The following ADAMTSL2 variants were observed in gnomAD, a reference collection of about 807,000 sequenced individuals.
The protein encoded by ADAMTSL2 is ADAMTS-like protein 2.
Under a neutral mutation model 117.0 loss-of-function variants are expected in ADAMTSL2, and 55 were observed. The ratio of observed to expected loss-of-function variants is 0.47; its 90% CI spans 0.38 to 0.59. ADAMTSL2 has a LOEUF of 0.59. Among genes scored for constraint, ADAMTSL2 ranks in the 20% least tolerant of loss-of-function variants. The pLI, the probability that ADAMTSL2 is intolerant of heterozygous loss-of-function variation, is 0.00. For synonymous variants in ADAMTSL2, 572 were observed against 566.4 expected (o/e 1.01, Z -0.14); for missense variants, 1,182 against 1,354.5 (o/e 0.87, Z 2.00).
intron 7 of ADAMTSL2, among the ~76,000 whole-genome samples, chr9:133,541,341 T>C (rs902302229): frequency 6.7e-6 from 1 of 150,184 alleles, no homozygotes; most frequent in African/African-American, 2.5e-5. Context: ...CAGGCTGGAG[T>C]GCAGTGGCTT....
intron 5 of ADAMTSL2, 65 bp downstream of exon 5, chr9:133,539,938 G>C: frequency 6.8e-7 from 1 of 1,475,830 alleles, no homozygotes; most frequent in South Asian, 1.2e-5. Context: ...AGCCCTTCCG[G>C]CACCTGGGAC....
chr9:133,540,430 A>G (rs1588279276), intron 5 of ADAMTSL2, among the ~76,000 whole-genome samples, 168 bp from the exon 6 acceptor site: 1 of 152,028 alleles, frequency 6.6e-6, no homozygotes, highest in South Asian at 2.1e-4. Flanking sequence ...GAGCCAGAAG[A>G]CCCATCAGTT....
At chr9:133,563,222 C>A (rs1297756628) in intron 12 of ADAMTSL2, among the ~76,000 whole-genome samples, 1 of 152,262 alleles carries the variant, frequency 6.6e-6, no homozygotes, top group African/African-American at 2.4e-5. Context: ...GTGGCTGCCA[C>A]CACCTGATGC....
At chr9:133,566,543 G>T (rs1054415096) in intron 12 of ADAMTSL2, among the ~76,000 whole-genome samples, 1 of 152,306 alleles carries the variant, frequency 6.6e-6, no homozygotes, top group East Asian at 1.9e-4. Flanking sequence ...GGCTGACGGG[G>T]CTGGAGCCGT....
chr9:133,565,019 A>C (rs1408572389), intron 12 of ADAMTSL2, among the ~76,000 whole-genome samples: 1 of 152,142 alleles, frequency 6.6e-6, no homozygotes, highest in African/African-American at 2.4e-5. Context: ...GAGCCATAGC[A>C]ACAGAGGAGC....
intron 12 of ADAMTSL2, 23 bp from the exon 13 acceptor site, chr9:133,566,913 A>C: frequency 6.3e-7 from 1 of 1,598,132 alleles, no homozygotes; most frequent in South Asian, 1.1e-5. Context: ...TGGCTCACAG[A>C]CCCACCCCTG....
At chr9:133,569,954 G>A (rs1352614194) in intron 16 of ADAMTSL2, among the ~76,000 whole-genome samples, 1 of 152,204 alleles carries the variant, frequency 6.6e-6, no homozygotes. Context: ...ACCTGTCATC[G>A]TCACCAACTT....
At chr9:133,574,212 A>G (rs760499250) in intron 18 of ADAMTSL2, among the ~76,000 whole-genome samples, 2 of 152,168 alleles carry the variant, frequency 1.3e-5, no homozygotes, top group East Asian at 1.9e-4. Flanking sequence ...CTGGGGCTCC[A>G]TGGCCCCAGG....
chr9:133,549,694 T>C (rs1830438470), intron 9 of ADAMTSL2, among the ~76,000 whole-genome samples: 2 of 152,090 alleles, frequency 1.3e-5, no homozygotes, highest in Admixed American at 1.3e-4. Flanking sequence ...CTGTCTGCTC[T>C]TGATGATCAA....
chr9:133,563,848 AGAGAGAGAGAGAGAGG>A (rs1830816697), intron 12 of ADAMTSL2, among the ~76,000 whole-genome samples: 2 of 39,596 alleles, frequency 5.1e-5, no homozygotes, highest in East Asian at 7.3e-4. Flanking sequence ...AGAGAGGGAG[AGAGAGAGAGAGAGAGG>A]GAGAGAGAGA....
In ADAMTSL2 at chr9:133,570,182, CAA is replaced by C. The variant is rs1381220564; in HGVS notation, c.2416-147_2416-146del. The C allele has an allele frequency of 2.0e-4, 176 of 879,234 alleles. No homozygotes were observed. The Middle Eastern group carries it at 2.8e-3, about 14-fold the overall frequency. The allele number at this position is 879,234 out of a possible 1,614,324, so 54.5% of individuals were successfully genotyped here. On this transcript the variant is annotated intron_variant, in intron 16 of 18. Transcript: ENST00000651351. ...CATCTGGGGCCAAATGGTTATCGAA[CAA>C]AGAGTTTCCAGCCAGTTTGTTATGC...
At position 133,555,745 on chromosome 9, in the gene ADAMTSL2, G is replaced by A; in HGVS notation, c.1464G>A (p.Arg488=). Residue 488 remains arginine, a synonymous_variant, in exon 11 of 19, where the codon AGG becomes AGA. Coordinates refer to ENST00000651351, the MANE Select transcript of ADAMTSL2 (RefSeq NM_014694.4). ...GCATCTTTGCACAGGGCGCCCCAAG[G>A]AGCTCCCTGGCCGAGAGCTTCTTCG... ...VNSIFAQGAP[R]SSLAESFFVD... The A allele has an allele frequency of 6.2e-7, 1 of 1,614,030 alleles. No individual in the cohort carries two copies. The highest frequency in any genetic ancestry group is 8.5e-7 in the Non-Finnish European group (1 of 1,180,034).
rs1830633602 is a variant in ADAMTSL2 at position 133,557,681 on chromosome 9, TG to T, written c.1649+1753del. On this transcript the variant is annotated intron_variant, in intron 11 of 18. Transcript: ENST00000651351. This position sits in a 1 kb window ranked among gnomAD's most constrained non-coding sequence, Gnocchi z 5.2. The stretch of plus-strand genomic sequence containing the variant: ...TCCCAGGGCAGTCCGGGGCATTCCC[TG>T]GTATTCCGTGTGTGAGGCCCACGGT... 6.6e-6 allele frequency among the ~76,000 whole-genome samples: 1 copy of T among 152,192 alleles called. No homozygotes were observed. The highest frequency in any genetic ancestry group is 1.5e-5 in the Non-Finnish European group (1 of 68,036).
chr9:133,537,449 C>G lies in ADAMTSL2; in HGVS notation c.135C>G (p.Ala45=). ...ATAGCCTGGAGGGGGGCACCGACGC[C>G]ACGGCCTTCTGGTGGGGGGAGTGGA... ...TSNSLEGGTD[A]TAFWWGEWTK... Residue 45 remains alanine (A), a synonymous_variant, in exon 3 of 19, where the codon GCC becomes GCG. Transcript: ENST00000651351. 7.4e-7 allele frequency: 1 copy of G among 1,352,110 alleles called. No homozygotes were observed. Among genetic ancestry groups the G allele is most frequent in the Non-Finnish European group, 9.6e-7 (1 of 1,043,610 alleles). The allele number at this position is 1,352,110 out of a possible 1,614,324, so 83.8% of individuals were successfully genotyped here. A position where few individuals can be genotyped will look rare whatever the true frequency, so the allele number is the denominator to read the frequency against.
chr9:133,554,576 G>T lies in ADAMTSL2; in HGVS notation c.1159G>T (p.Gly387Cys), dbSNP rs751807903. The change falls in exon 10 of 19, where the codon GGC (glycine) becomes TGC (cysteine). Residue 387 changes from glycine to cysteine, a missense_variant. Coordinates refer to ENST00000651351, the MANE Select transcript of ADAMTSL2 (RefSeq NM_014694.4). This position sits in a 1 kb window ranked among gnomAD's most constrained non-coding sequence, Gnocchi z 5.2. ...ERLGLDNRLF[G>C]HPGLDMELGP... ...GCTGGGCCTGGACAACCGGCTGTTC[G>T]GCCACCCGGGCCTGGACATGGAGCT... The T allele has an allele frequency of 6.5e-7, 1 of 1,546,316 alleles. No homozygotes were observed. Among genetic ancestry groups the T allele is most frequent in the African/African-American group, 1.4e-5 (1 of 73,150 alleles).
At position 133,537,551 on chromosome 9, in the gene ADAMTSL2, C is replaced by A; in HGVS notation, c.233+4C>A. ...AGCGGCACTGCCTGCAGCAGAGGTGCGAGGTTGGGCACGTGGCCCTGAGGG... is the reference window on the plus strand; with the variant it reads ...AGCGGCACTGCCTGCAGCAGAGGTGAGAGGTTGGGCACGTGGCCCTGAGGG... On this transcript the variant is annotated splice_donor_region_variant and intron_variant, in intron 3 of 18. Coordinates refer to ENST00000651351, the MANE Select transcript of ADAMTSL2 (RefSeq NM_014694.4). The A allele has an allele frequency of 1.5e-6, 2 of 1,341,908 alleles. No homozygotes were observed. The highest frequency in any genetic ancestry group is 2.5e-5 in the South Asian group (1 of 39,844). 83.1% of individuals were successfully genotyped at this position (1,341,908 alleles called of 1,614,324 possible).
chr9:133,564,244 A>AGGAG (rs1830861177), intron 12 of ADAMTSL2, among the ~76,000 whole-genome samples: 1 of 7,742 alleles, frequency 1.3e-4, no homozygotes, highest in Non-Finnish European at 2.6e-4. Flanking sequence ...GAGAGAGAGA[A>AGGAG]AGAGGGAGAG....
chr9:133,573,273 C>T (rs1340277423), intron 17 of ADAMTSL2, among the ~76,000 whole-genome samples: 1 of 152,188 alleles, frequency 6.6e-6, no homozygotes, highest in Non-Finnish European at 1.5e-5. Context: ...GCAGATGTCT[C>T]TGGTGTTCTG....
At chr9:133,561,364 G>C in intron 12 of ADAMTSL2, 69 bp downstream of exon 12, 1 of 1,413,404 alleles carries the variant, frequency 7.1e-7, no homozygotes, top group Non-Finnish European at 9.8e-7. Context: ...GGCTGGGGCT[G>C]TGGGGCCCAC....
Sources: gnomAD v4.1 joint callset for allele counts (sites outside exome capture counted in the v4.1 genomes callset) on GRCh38, gnomAD v4.1.1 for gene constraint, Gnocchi (gnomAD v3.1) non-coding constraint, MANE v1.5 for transcripts, NCBI Gene and HGNC (gene_info 2026-07-23, HGNC 2026-07-21) for gene names.